NKD2: variants seen among roughly 807,000 people sequenced by gnomAD.
NKD2 encodes NKD inhibitor of Wnt signaling pathway 2.
Under a neutral mutation model 34.8 loss-of-function variants are expected in NKD2, and 43 were observed. That is an observed-to-expected ratio of 1.24 (90% CI 0.97 to 1.60). NKD2 has a LOEUF of 1.60. Ranked by LOEUF, NKD2 falls within the 40% of genes most tolerant of loss-of-function variation. NKD2 has a pLI of 0.00. For missense variants in NKD2, 675 were observed against 627.1 expected (o/e 1.08, Z -0.82); for synonymous variants, 278 against 265.1 (o/e 1.05, Z -0.47).
chr5:1,035,771 A>G, intron 8 of NKD2: 1 of 458,532 alleles, frequency 2.2e-6, no homozygotes, highest in South Asian at 3.6e-5. Context: ...GGCTCCACTC[A>G]GCAGCTTTGG....
chr5:1,038,872 T>G lies in NKD2; in HGVS notation c.*499T>G. ...CCGGTGGGGGGAAGCAGCTTGTGCT[T>G]AGCAGGGAGCATCCGCGGCTCCCCG... On this transcript the variant is annotated 3_prime_UTR_variant, in exon 10 of 10. Coordinates refer to ENST00000296849, the MANE Select transcript of NKD2 (RefSeq NM_033120.4). The surrounding 1 kb of genome is among the most constrained non-coding windows in gnomAD (Gnocchi z 4.5). 1 of 263,144 alleles carries G rather than the reference T, an allele frequency of 3.8e-6. No homozygotes were observed. The highest frequency in any genetic ancestry group is 7.2e-6 in the Non-Finnish European group (1 of 138,410). The allele number at this position is 263,144 out of a possible 1,614,324, so 16.3% of individuals were successfully genotyped here.
intron 7 of NKD2, 31 bp downstream of exon 7, chr5:1,034,934 C>A (rs1733775115): frequency 1.3e-6 from 2 of 1,579,172 alleles, no homozygotes; most frequent in Admixed American, 3.5e-5. Context: ...CACAGAGGAC[C>A]CTACCCAACA....
At chr5:1,020,109 C>CAGT (rs1269476019) in intron 3 of NKD2, among the ~76,000 whole-genome samples, 1 of 152,150 alleles carries the variant, frequency 6.6e-6, no homozygotes, top group Non-Finnish European at 1.5e-5. Flanking sequence ...AAGACAAAGA[C>CAGT]AGTAGCAGGC....
rs896611340 is a variant in NKD2 at position 1,038,877 on chromosome 5, G to C, written c.*504G>C. 10 of 266,738 alleles carry C rather than the reference G, an allele frequency of 3.7e-5. No homozygotes were observed. The highest frequency in any genetic ancestry group is 2.4e-4 in the African/African-American group (9 of 37,236). The allele number at this position is 266,738 out of a possible 1,614,324, so 16.5% of individuals were successfully genotyped here. The stretch of plus-strand genomic sequence containing the variant: ...GGGGGGAAGCAGCTTGTGCTTAGCA[G>C]GGAGCATCCGCGGCTCCCCGCAGGA... On this transcript the variant is annotated 3_prime_UTR_variant, in exon 10 of 10. Coordinates refer to ENST00000296849, the MANE Select transcript of NKD2 (RefSeq NM_033120.4). The surrounding 1 kb of genome is among the most constrained non-coding windows in gnomAD (Gnocchi z 4.5).
At position 1,032,218 on chromosome 5, in the gene NKD2, T is replaced by C; in HGVS notation, c.202+6T>C. On this transcript the variant is annotated splice_donor_region_variant and intron_variant, in intron 4 of 9. Coordinates refer to ENST00000296849, the MANE Select transcript of NKD2 (RefSeq NM_033120.4). ...GGACCAGTGTCCCCTACAGGGTGAG[T>C]GCAGCTCCCGCAGCCCTCCCTCCCC... 1.9e-6 allele frequency: 3 copies of C among 1,604,446 alleles called. No homozygotes were observed. The highest frequency in any genetic ancestry group is 2.6e-6 in the Non-Finnish European group (3 of 1,174,322).
In NKD2 at chr5:1,027,386, G is replaced by C. The variant is rs1004350913; in HGVS notation, c.142-4766G>C. On this transcript the variant is annotated intron_variant, in intron 3 of 9. Transcript: ENST00000296849. ...CTTCTGGATAACGTCCCAGACTTGG[G>C]GTTCCACACCCACTCCAGAGGGACC... Among the ~76,000 whole-genome samples the C allele has an allele frequency of 2.6e-5, 4 of 152,314 alleles. No individual in the cohort carries two copies. The South Asian group carries it at 6.2e-4, about 24-fold the overall frequency.
At chr5:1,019,019 G>A (rs534136621) in intron 3 of NKD2, among the ~76,000 whole-genome samples, 29 of 152,326 alleles carry the variant, frequency 1.9e-4, no homozygotes, top group African/African-American at 6.7e-4. Context: ...CTGTTGGTGA[G>A]TCCTGGGTCA....
At chr5:1,034,169 C>A in intron 5 of NKD2, 66 bp from the exon 6 acceptor site, 1 of 1,159,194 alleles carries the variant, frequency 8.6e-7, no homozygotes, top group South Asian at 1.3e-5. Context: ...AGATCCTTCC[C>A]CCTGTGGAGT....
chr5:1,033,044 G>T (rs1461315047), intron 4 of NKD2, among the ~76,000 whole-genome samples: 1 of 152,142 alleles, frequency 6.6e-6, no homozygotes, highest in African/African-American at 2.4e-5. Context: ...TGGGGAGGGG[G>T]CCCAATGATG....
chr5:1,033,909 C>T (rs1232544078), intron 5 of NKD2, among the ~76,000 whole-genome samples: 2 of 152,200 alleles, frequency 1.3e-5, no homozygotes, highest in Non-Finnish European at 2.9e-5. Context: ...GTCAAGATTT[C>T]TGGAATTGAC....
chr5:1,035,177 A>G (rs1394521582), intron 7 of NKD2, among the ~76,000 whole-genome samples: 1 of 152,038 alleles, frequency 6.6e-6, no homozygotes, highest in Non-Finnish European at 1.5e-5. Flanking sequence ...AGTGTTAATG[A>G]ATGAGTGAGT....
At chr5:1,036,494 CCCCCCCCAA>C in intron 9 of NKD2, 110 bp downstream of exon 9, 2 of 555,154 alleles carry the variant, frequency 3.6e-6, no homozygotes, top group Middle Eastern at 4.7e-4. Context: ...CCTGCCCCGC[CCCCCCCCAA>C]CCCCCCCCAC....
intron 3 of NKD2, among the ~76,000 whole-genome samples, chr5:1,019,107 G>T (rs1433284037): frequency 1.3e-5 from 2 of 152,148 alleles, no homozygotes; most frequent in African/African-American, 4.8e-5. Context: ...TAGCTCTAGT[G>T]ACCGGGGCGG....
Position 1,009,433 on chromosome 5 carries a change from T to C in NKD2, c.62-48T>C. On this transcript the variant is annotated intron_variant, in intron 2 of 9. Transcript: ENST00000296849. This position sits in a 1 kb window ranked among gnomAD's most constrained non-coding sequence, Gnocchi z 6.9. ...GCCCGCGGGGCTCACGGCGCGTCTC[T>C]TTCCCTCCTCGGTGCGGGTTTCCCG... is the stretch of plus-strand genomic sequence containing the variant. 6.9e-7 allele frequency: 1 copy of C among 1,452,294 alleles called. No individual in the cohort carries two copies. The highest frequency in any genetic ancestry group is 9.1e-7 in the Non-Finnish European group (1 of 1,093,738). 90.0% of individuals were successfully genotyped at this position (1,452,294 alleles called of 1,614,324 possible).
At chr5:1,011,693 C>T (rs2150724096) in intron 3 of NKD2, among the ~76,000 whole-genome samples, 1 of 152,318 alleles carries the variant, frequency 6.6e-6, no homozygotes, top group African/African-American at 2.4e-5. Flanking sequence ...TCCGACCTAC[C>T]CTCTCTCCCC....
At chr5:1,035,650 G>A (rs1466212806) in intron 8 of NKD2, among the ~76,000 whole-genome samples, 177 bp downstream of exon 8, 3 of 152,260 alleles carry the variant, frequency 2.0e-5, no homozygotes, top group Non-Finnish European at 4.4e-5. Context: ...CTGGCACCCT[G>A]GCTGAGCTGG....
intron 9 of NKD2, 33 bp from the exon 10 acceptor site, chr5:1,037,772 C>T (rs374314505): frequency 1.9e-6 from 3 of 1,563,150 alleles, no homozygotes; most frequent in Non-Finnish European, 2.6e-6. Flanking sequence ...AGCCTGCACT[C>T]CCAGGGCCTC....
chr5:1,037,484 A>T (rs1361687718), intron 9 of NKD2: 1 of 1,529,296 alleles, frequency 6.5e-7, no homozygotes, highest in South Asian at 1.2e-5. Flanking sequence ...GCCCTCCCTG[A>T]TATAACCTGG....
At chr5:1,031,547 A>G (rs998934197) in intron 3 of NKD2, among the ~76,000 whole-genome samples, 3 of 129,214 alleles carry the variant, frequency 2.3e-5, no homozygotes, top group Admixed American at 8.3e-5. Context: ...ACCACTGCGC[A>G]AGGCCCCTGC....
Sources: gnomAD v4.1 joint callset for allele counts (sites outside exome capture counted in the v4.1 genomes callset) on GRCh38, gnomAD v4.1.1 for gene constraint, Gnocchi (gnomAD v3.1) non-coding constraint, MANE v1.5 for transcripts, NCBI Gene and HGNC (gene_info 2026-07-23, HGNC 2026-07-21) for gene names.